NEBL: variants seen among roughly 807,000 people sequenced by gnomAD.
NEBL encodes the protein nebulette.
In NEBL, 122 loss-of-function variants were observed where a neutral mutation model predicts 140.2. That is an observed-to-expected ratio of 0.87 (90% CI 0.75 to 1.01). NEBL has a LOEUF of 1.01. Ranked by LOEUF, NEBL falls within the 50% of genes least tolerant of loss-of-function variation. The probability of loss-of-function intolerance (pLI) is 0.00; values close to 1 mark genes in which losing one functional copy is unlikely to be tolerated. For missense variants in NEBL, 1,365 were observed against 1,231.3 expected (o/e 1.11, Z -1.62); for synonymous variants, 436 against 398.9 (o/e 1.09, Z -1.11).
In NEBL at chr10:20,972,865, T is replaced by C. The variant is rs539020105; in HGVS notation, c.250-11086A>G. 9.2e-4 allele frequency among the ~76,000 whole-genome samples: 140 copies of C among 152,294 alleles called. 1 individual carries two copies. The highest frequency in any genetic ancestry group is 1.7e-3 in the Non-Finnish European group (117 of 68,000). On this transcript the variant is annotated intron_variant, in intron 3 of 6. Coordinates refer to the NEBL transcript ENST00000417816. ...AAAAAGTCATTTTAATCAAAGCATGTAAAAGATTATTTCCTTACTGCTGAA... is the reference window on the plus strand; with the variant it reads ...AAAAAGTCATTTTAATCAAAGCATGCAAAAGATTATTTCCTTACTGCTGAA...
rs561336953 is a variant in NEBL, at chr10:20,838,865, A to G, written c.1338+1874T>C. ...CACTATTATAAATAAAGTACTTTAA[A>G]TTAAGATATGGATGTATTTTGAACA... On this transcript the variant is annotated intron_variant, in intron 13 of 27. Coordinates refer to ENST00000377122, the MANE Select transcript of NEBL (RefSeq NM_006393.3). Among the ~76,000 whole-genome samples the G allele has an allele frequency of 1.5e-4, 23 of 152,316 alleles. No individual in the cohort carries two copies. In the South Asian group the frequency reaches 4.8e-3, roughly 32 times the overall value.
At chr10:20,880,972 T>C (rs922685746) in intron 4 of NEBL, 68 bp from the exon 5 acceptor site, 133 of 1,266,326 alleles carry the variant, frequency 1.1e-4, no homozygotes, top group Middle Eastern at 1.8e-4. Flanking sequence ...AATTTCAGTG[T>C]TTTGCCAGGA....
chr10:21,143,694 C>T (rs1008994757), intron 2 of NEBL, among the ~76,000 whole-genome samples: 4 of 152,022 alleles, frequency 2.6e-5, no homozygotes, highest in African/African-American at 9.7e-5. Flanking sequence ...TGGCAAACCA[C>T]CCCACTTCCC....
At chr10:21,097,526 G>T (rs540325242) in intron 2 of NEBL, among the ~76,000 whole-genome samples, 1 of 152,122 alleles carries the variant, frequency 6.6e-6, no homozygotes. Context: ...ATAGCAATAG[G>T]CTGACCTCCA....
chr10:20,807,156 T>C (rs1378940074), intron 26 of NEBL, among the ~76,000 whole-genome samples: 1 of 151,918 alleles, frequency 6.6e-6, no homozygotes, highest in Admixed American at 6.6e-5. Context: ...GAGACCCCCG[T>C]CTCTATAAAA....
intron 4 of NEBL, among the ~76,000 whole-genome samples, chr10:20,959,587 T>C (rs1262962327): frequency 6.6e-6 from 1 of 152,162 alleles, no homozygotes; most frequent in Non-Finnish European, 1.5e-5. Flanking sequence ...AGTTGCAGTC[T>C]TATAAATGAA....
intron 2 of NEBL, among the ~76,000 whole-genome samples, chr10:21,065,962 C>T (rs138341019): frequency 1.4e-3 from 216 of 152,352 alleles, no homozygotes; most frequent in African/African-American, 4.1e-3. Context: ...CTCTCTTCAA[C>T]CTGGTTACGT....
At chr10:21,036,749 C>A (rs1834031297) in intron 2 of NEBL, among the ~76,000 whole-genome samples, 1 of 152,030 alleles carries the variant, frequency 6.6e-6, no homozygotes, top group Non-Finnish European at 1.5e-5. Context: ...CAGATTTAAG[C>A]TTGTCTCTAC....
chr10:21,027,335 T>G (rs1157910894), intron 2 of NEBL, among the ~76,000 whole-genome samples: 1 of 151,120 alleles, frequency 6.6e-6, no homozygotes, highest in Non-Finnish European at 1.5e-5. Flanking sequence ...TGTTTTTTTT[T>G]TTTTAATTTT....
intron 4 of NEBL, among the ~76,000 whole-genome samples, chr10:20,959,742 GA>G (rs1261248809): frequency 6.6e-6 from 1 of 151,830 alleles, no homozygotes. Flanking sequence ...CTACTTATAA[GA>G]CTGCTACGGC....
At chr10:21,143,582 T>C (rs145834162) in intron 2 of NEBL, among the ~76,000 whole-genome samples, 15 of 150,384 alleles carry the variant, frequency 1.0e-4, no homozygotes, top group Admixed American at 9.9e-4. Context: ...AAGGAGAACA[T>C]AGACAAATAT....
chr10:20,880,679 A>G (rs1845934829), intron 5 of NEBL, 115 bp downstream of exon 5: 1 of 802,678 alleles, frequency 1.2e-6, no homozygotes, highest in East Asian at 2.5e-5. Context: ...AAGAAATATT[A>G]AAGTCTTTTT....
At chr10:21,144,386 T>G (rs1266985324) in intron 2 of NEBL, among the ~76,000 whole-genome samples, 1 of 152,176 alleles carries the variant, frequency 6.6e-6, no homozygotes, top group Non-Finnish European at 1.5e-5. Context: ...TAACGCACCC[T>G]CCTTGGCCAG....
At chr10:21,035,938 G>C (rs192898140) in intron 2 of NEBL, among the ~76,000 whole-genome samples, 1 of 152,056 alleles carries the variant, frequency 6.6e-6, no homozygotes, top group East Asian at 1.9e-4. Flanking sequence ...TGAGGTGAGC[G>C]GATCACTTGA....
intron 2 of NEBL, among the ~76,000 whole-genome samples, chr10:21,120,232 C>A (rs1421490228): frequency 6.6e-6 from 1 of 151,034 alleles, no homozygotes; most frequent in Non-Finnish European, 1.5e-5. Flanking sequence ...AAAATTAGCC[C>A]TGCATGATGG....
chr10:21,227,299 T>C (rs967740597), intron 3 of NEBL, among the ~76,000 whole-genome samples: 13 of 152,226 alleles, frequency 8.5e-5, no homozygotes, highest in African/African-American at 2.9e-4. Flanking sequence ...GTTTGTCTAC[T>C]GCAAGAGCTC....
intron 4 of NEBL, among the ~76,000 whole-genome samples, chr10:20,918,435 T>C (rs919159694): frequency 1.3e-5 from 2 of 152,200 alleles, no homozygotes; most frequent in Non-Finnish European, 2.9e-5. Flanking sequence ...GAGCCAATCA[T>C]TACTCATCAG....
At chr10:21,214,267 G>A (rs529963047) in intron 3 of NEBL, among the ~76,000 whole-genome samples, 1 of 150,824 alleles carries the variant, frequency 6.6e-6, no homozygotes, top group African/African-American at 2.5e-5. Context: ...TTAAAAATTT[G>A]TATCTTGCAC....
intron 3 of NEBL, among the ~76,000 whole-genome samples, 184 bp from the exon 4 acceptor site, chr10:20,888,391 C>T (rs1200222036): frequency 6.6e-6 from 1 of 152,110 alleles, no homozygotes; most frequent in Non-Finnish European, 1.5e-5. Context: ...GAAATAAATC[C>T]AATTTATCAT....
Sources: allele counts gnomAD v4.1 joint callset (sites outside exome capture counted in the v4.1 genomes callset), GRCh38; gene constraint gnomAD v4.1.1; transcripts MANE v1.5; gene names NCBI Gene and HGNC (gene_info 2026-07-23, HGNC 2026-07-21).